Variants in LUC7L2 observed in about 807,000 individuals in gnomAD.
LUC7L2 encodes the protein LUC7 like 2, pre-mRNA splicing factor.
In LUC7L2, 25 loss-of-function variants were observed where a neutral mutation model predicts 52.8. That is an observed-to-expected ratio of 0.47 (90% CI 0.34 to 0.66). The LOEUF is 0.66. Among genes scored for constraint, LUC7L2 ranks in the 30% least tolerant of loss-of-function variants. LUC7L2 has a pLI of 0.01. For synonymous variants in LUC7L2, 144 were observed against 160.9 expected (o/e 0.89, Z 0.80); for missense variants, 328 against 497.8 (o/e 0.66, Z 3.25).
At chr7:139,348,263 C>G (rs554967793) in intron 1 of LUC7L2, among the ~76,000 whole-genome samples, 1 of 150,104 alleles carries the variant, frequency 6.7e-6, no homozygotes, top group African/African-American at 2.5e-5. Context: ...GTCTTGAACT[C>G]GTGGGCTCAA....
chr7:139,355,984 G>A (rs895440522), upstream of LUC7L2, among the ~76,000 whole-genome samples: 2 of 152,124 alleles, frequency 1.3e-5, no homozygotes, highest in African/African-American at 4.8e-5. Flanking sequence ...GCAGTGGAAG[G>A]TAAAAGGTTA....
intron 1 of LUC7L2, among the ~76,000 whole-genome samples, chr7:139,366,494 ATAGT>A (rs1298269995): frequency 1.3e-5 from 2 of 151,918 alleles, no homozygotes; most frequent in Non-Finnish European, 2.9e-5. Flanking sequence ...TAATAGTTTA[ATAGT>A]TAAAGTTACT....
At chr7:139,384,988 T>C (rs900158189) in intron 2 of LUC7L2, among the ~76,000 whole-genome samples, 2 of 146,420 alleles carry the variant, frequency 1.4e-5, no homozygotes, top group African/African-American at 5.6e-5. Context: ...TTCAGGCTTA[T>C]GGAGGTAGGT....
upstream of LUC7L2, among the ~76,000 whole-genome samples, chr7:139,357,218 G>A (rs1350283795): frequency 6.6e-6 from 1 of 152,076 alleles, no homozygotes. Context: ...AGGCAGGAAA[G>A]GAGAGAAAAA....
At chr7:139,397,633 G>A (rs945298571) in intron 2 of LUC7L2, among the ~76,000 whole-genome samples, 10 of 152,096 alleles carry the variant, frequency 6.6e-5, no homozygotes, top group Non-Finnish European at 1.2e-4. Flanking sequence ...TTTCATCACC[G>A]ATTAATCATA....
chr7:139,348,068 T>C (rs1036975010), intron 1 of LUC7L2, among the ~76,000 whole-genome samples: 1 of 152,200 alleles, frequency 6.6e-6, no homozygotes, highest in Non-Finnish European at 1.5e-5. Flanking sequence ...GATATTTTAC[T>C]TTGGTAAGAG....
chr7:139,421,761 A>T (rs1200759388), intron 9 of LUC7L2, among the ~76,000 whole-genome samples: 2 of 152,260 alleles, frequency 1.3e-5, no homozygotes, highest in African/African-American at 4.8e-5. Context: ...ATGGACCTGC[A>T]GTACCCCAGA....
chr7:139,352,301 G>A (rs907815939), intron 1 of LUC7L2, among the ~76,000 whole-genome samples: 2 of 151,996 alleles, frequency 1.3e-5, no homozygotes, highest in Admixed American at 6.6e-5. Flanking sequence ...ACCAGCCTGG[G>A]CAACATAAGG....
intron 8 of LUC7L2, among the ~76,000 whole-genome samples, chr7:139,414,778 C>T (rs1795515062): frequency 1.3e-5 from 2 of 152,186 alleles, no homozygotes; most frequent in African/African-American, 2.4e-5. Flanking sequence ...TCACTTGTTC[C>T]CTTTCTTCTT....
Position 139,417,611 on chromosome 7 carries a change from A to C in LUC7L2, c.883A>C (p.Lys295Gln). Residue 295 changes from lysine to glutamine, a missense_variant, in exon 9 of 10, where the codon AAA becomes CAA. Lys to Gln is a moderately conservative substitution (Grantham distance 53). Around this residue, in one of 2 missense-constraint regions of LUC7L2, gnomAD observed 195 missense variants for 223.3 expected, o/e 0.87. Coordinates refer to ENST00000354926, the MANE Select transcript of LUC7L2 (RefSeq NM_016019.5). ...SRERKRRTRSKSREKRHRHRS... is the reference protein window; with the variant it reads ...SRERKRRTRSQSREKRHRHRS... ...TGAACGCAAGAGGAGAACTCGATCC[A>C]AATCTCGGGAGAAACGCCATCGCCA... 3 of 1,614,200 alleles carry C rather than the reference A, an allele frequency of 1.9e-6. No homozygotes were observed. The highest frequency in any genetic ancestry group is 2.5e-6 in the Non-Finnish European group (3 of 1,180,044).
At chr7:139,384,221 C>T (rs1794090035) in intron 2 of LUC7L2, among the ~76,000 whole-genome samples, 1 of 152,126 alleles carries the variant, frequency 6.6e-6, no homozygotes, top group South Asian at 2.1e-4. Flanking sequence ...TTGAAGAGAT[C>T]TGGATGTGGA....
chr7:139,413,853 AC>A (rs1205685013), intron 8 of LUC7L2, among the ~76,000 whole-genome samples: 1 of 152,226 alleles, frequency 6.6e-6, no homozygotes, highest in East Asian at 1.9e-4. Flanking sequence ...CACTAAAAAA[AC>A]TAAAGAACAT....
chr7:139,341,992 C>A (rs932728961), intron 1 of LUC7L2, among the ~76,000 whole-genome samples: 2 of 152,186 alleles, frequency 1.3e-5, no homozygotes, highest in Admixed American at 6.5e-5. Flanking sequence ...AAAAGAACAA[C>A]TGGGCTTTAG....
At chr7:139,355,794 TGA>T (rs1412907267), upstream of LUC7L2, among the ~76,000 whole-genome samples, 1 of 152,108 alleles carries the variant, frequency 6.6e-6, no homozygotes, top group East Asian at 1.9e-4. Flanking sequence ...CAGAAGTTGA[TGA>T]GAGGGGCAAT....
At chr7:139,362,890 G>T (rs1297594416) in intron 1 of LUC7L2, among the ~76,000 whole-genome samples, 1 of 151,872 alleles carries the variant, frequency 6.6e-6, no homozygotes. Flanking sequence ...ACCTTAACTT[G>T]AATTACATAA....
chr7:139,404,709 C>T (rs1220541346), intron 4 of LUC7L2, among the ~76,000 whole-genome samples: 1 of 152,128 alleles, frequency 6.6e-6, no homozygotes, highest in Non-Finnish European at 1.5e-5. Context: ...CAGAGTTAAT[C>T]CTGGTGGAAA....
At chr7:139,346,653 C>G (rs1231167467) in intron 1 of LUC7L2, among the ~76,000 whole-genome samples, 1 of 152,154 alleles carries the variant, frequency 6.6e-6, no homozygotes, top group Non-Finnish European at 1.5e-5. Flanking sequence ...GAGAGACTCT[C>G]TACTAGAGAG....
intron 2 of LUC7L2, among the ~76,000 whole-genome samples, chr7:139,388,209 T>G (rs1255173064): frequency 6.6e-6 from 1 of 152,194 alleles, no homozygotes; most frequent in Non-Finnish European, 1.5e-5. Flanking sequence ...TACACCATAG[T>G]CTTTGTGTGA....
upstream of LUC7L2, among the ~76,000 whole-genome samples, chr7:139,354,998 C>T (rs1036855571): frequency 1.1e-4 from 16 of 152,118 alleles, no homozygotes; most frequent in Non-Finnish European, 1.6e-4. Flanking sequence ...GCTGGGATTA[C>T]TGGCGCACAA....
Sources: allele counts gnomAD v4.1 joint callset (sites outside exome capture counted in the v4.1 genomes callset), GRCh38; gene constraint gnomAD v4.1.1; regional missense constraint gnomAD v4.1.1; transcripts MANE v1.5; gene names NCBI Gene and HGNC (gene_info 2026-07-23, HGNC 2026-07-21).